FRMD4B: variants seen among roughly 807,000 people sequenced by gnomAD.
FRMD4B encodes the protein FERM domain containing 4B.
Under a neutral mutation model 141.5 loss-of-function variants are expected in FRMD4B, and 74 were observed. The observed-to-expected ratio is 0.52, with a 90% CI of 0.43 to 0.63. The LOEUF is 0.63. Ranked by LOEUF, FRMD4B falls within the 30% of genes least tolerant of loss-of-function variation. The pLI, the probability that FRMD4B is intolerant of heterozygous loss-of-function variation, is 0.00. For synonymous variants in FRMD4B, 506 were observed against 467.9 expected, an observed-to-expected ratio of 1.08 and a Z score of -1.05; for missense variants, 1,366 against 1,253.4, an observed-to-expected ratio of 1.09 and a Z score of -1.36.
Position 69,181,690 on chromosome 3 carries a change from T to G in FRMD4B, c.2060A>C (p.His687Pro), listed in dbSNP as rs993626689. The change falls in exon 21 of 23, where the codon CAC becomes CCC. Residue 687 changes from histidine to proline, a missense_variant. Physicochemically the swap from His to Pro is moderately conservative, Grantham distance 77. Coordinates refer to ENST00000398540, the MANE Select transcript of FRMD4B (RefSeq NM_015123.3). ...CAGGCTTCCACTCCGCTGGCGGCAG[T>G]GCTGAGATGAAGATTCGGGTCTGAA... ...SHLEPESSSQ[H>P]CRQRSGSLES... The G allele has an allele frequency of 2.5e-6, 4 of 1,611,820 alleles. No homozygotes were observed. Among genetic ancestry groups the G allele is most frequent in the Non-Finnish European group, 3.4e-6 (4 of 1,178,764 alleles).
intron 1 of FRMD4B, among the ~76,000 whole-genome samples, chr3:69,345,615 C>A (rs141055089): frequency 6.6e-6 from 1 of 152,128 alleles, no homozygotes; most frequent in African/African-American, 2.4e-5. Flanking sequence ...CTCACACAGC[C>A]GGGTAGTCCT....
In FRMD4B at chr3:69,182,657, T is replaced by C. The variant is rs2092720431; in HGVS notation, c.1980A>G (p.Gly660=). The part of the protein sequence containing the change: ...YKTLERRPQG[G]RSMPTTPVLT... ...GAACTGGCGTGGTGGGCATGCTTCG[T>C]CCTCCCTGGGGCCGCCTCTCCAGAG... The change falls in exon 20 of 23, where the codon GGA becomes GGG. Residue 660 remains glycine (G), a synonymous_variant. Coordinates refer to ENST00000398540, the MANE Select transcript of FRMD4B (RefSeq NM_015123.3). 6.2e-7 allele frequency: 1 copy of C among 1,613,594 alleles called. No homozygotes were observed. The highest frequency in any genetic ancestry group is 1.1e-5 in the South Asian group (1 of 91,068).
intron 2 of FRMD4B, among the ~76,000 whole-genome samples, chr3:69,414,731 C>A (rs1300425339): frequency 6.6e-6 from 1 of 152,326 alleles, no homozygotes; most frequent in Admixed American, 6.5e-5. Flanking sequence ...GCAGGCCCAG[C>A]CTGTGCAGGT....
At position 69,218,385 on chromosome 3, in the gene FRMD4B, GA is replaced by G; in HGVS notation, c.732-7del. ...CTTCTACTATTTTCATATACCTATG[GA>G]AAATAAATATGTATCACAATCTTAT... On this transcript the variant is annotated splice_polypyrimidine_tract_variant and splice_region_variant and intron_variant, in intron 9 of 22. Coordinates refer to ENST00000398540, the MANE Select transcript of FRMD4B (RefSeq NM_015123.3). 1 of 1,316,540 alleles carries G rather than the reference GA, an allele frequency of 7.6e-7. No individual in the cohort carries two copies. The highest frequency in any genetic ancestry group is 1.1e-6 in the Non-Finnish European group (1 of 919,850). 81.6% of individuals were successfully genotyped at this position (1,316,540 alleles called of 1,614,324 possible). A position where few individuals can be genotyped will look rare whatever the true frequency, so the allele number is the denominator to read the frequency against.
At chr3:69,533,395 C>T (rs1701031573) in intron 1 of FRMD4B, among the ~76,000 whole-genome samples, 1 of 152,162 alleles carries the variant, frequency 6.6e-6, no homozygotes. Context: ...GGACAAGTCA[C>T]TTGCCCACTC....
intron 1 of FRMD4B, among the ~76,000 whole-genome samples, chr3:69,519,881 A>C (rs533272691): frequency 6.6e-6 from 1 of 151,694 alleles, no homozygotes; most frequent in East Asian, 1.9e-4. Context: ...GAGTGAGAAC[A>C]TACGATGTTT....
intron 1 of FRMD4B, among the ~76,000 whole-genome samples, chr3:69,487,598 G>C (rs558464882): frequency 1.3e-5 from 2 of 152,292 alleles, no homozygotes; most frequent in African/African-American, 4.8e-5. Context: ...AAATCCACAG[G>C]ACTCATAATC....
At chr3:69,528,202 G>C (rs1164665095) in intron 1 of FRMD4B, among the ~76,000 whole-genome samples, 1 of 152,068 alleles carries the variant, frequency 6.6e-6, no homozygotes, top group African/African-American at 2.4e-5. Flanking sequence ...GGACTCAATG[G>C]CAAGGACTAT....
chr3:69,318,522 G>A (rs1650668781), intron 1 of FRMD4B, among the ~76,000 whole-genome samples: 1 of 152,186 alleles, frequency 6.6e-6, no homozygotes, highest in African/African-American at 2.4e-5. Flanking sequence ...GCAGGCTGGA[G>A]AGGGTAGCAC....
chr3:69,194,418 A>C (rs1245086777), intron 16 of FRMD4B, among the ~76,000 whole-genome samples: 2 of 152,226 alleles, frequency 1.3e-5, no homozygotes, highest in African/African-American at 4.8e-5. Context: ...GTAAATAGTA[A>C]AGATTTCCAA....
At chr3:69,416,884 T>C (rs919406130) in intron 2 of FRMD4B, among the ~76,000 whole-genome samples, 1 of 152,234 alleles carries the variant, frequency 6.6e-6, no homozygotes, top group Non-Finnish European at 1.5e-5. Context: ...CATGAACTCA[T>C]TCTTTTTTAT....
At chr3:69,384,667 T>A (rs1313331025) in intron 1 of FRMD4B, among the ~76,000 whole-genome samples, 1 of 152,218 alleles carries the variant, frequency 6.6e-6, no homozygotes, top group South Asian at 2.1e-4. Context: ...AGATATGTTA[T>A]ACAAAGCAGA....
chr3:69,530,714 A>G (rs191945389), intron 1 of FRMD4B, among the ~76,000 whole-genome samples: 19 of 152,318 alleles, frequency 1.2e-4, no homozygotes, highest in Non-Finnish European at 2.2e-4. Flanking sequence ...TTTCTTGATT[A>G]TGCTGCTTAA....
At chr3:69,475,376 T>G (rs1705969583) in intron 1 of FRMD4B, among the ~76,000 whole-genome samples, 1 of 145,666 alleles carries the variant, frequency 6.9e-6, no homozygotes, top group African/African-American at 2.6e-5. Context: ...CCCACAACAG[T>G]CCCCAGAGTG....
chr3:69,397,953 T>A (rs529916611), intron 2 of FRMD4B, among the ~76,000 whole-genome samples: 4 of 152,316 alleles, frequency 2.6e-5, no homozygotes, highest in African/African-American at 9.6e-5. Flanking sequence ...CTGTATTTGC[T>A]GAATATTCCA....
At chr3:69,193,092 AT>A (rs60431140) in intron 17 of FRMD4B, among the ~76,000 whole-genome samples, 3,765 of 151,806 alleles carry the variant, frequency 0.025, 169 homozygotes, top group African/African-American at 0.084. Flanking sequence ...AAGTGCTGGG[AT>A]TATAGGTGTG....
intron 1 of FRMD4B, among the ~76,000 whole-genome samples, chr3:69,323,423 G>A (rs1489898426): frequency 6.6e-6 from 1 of 151,312 alleles, no homozygotes; most frequent in Non-Finnish European, 1.5e-5. Flanking sequence ...AAAAAAATTA[G>A]CTCGGCATGG....
At chr3:69,413,228 G>A (rs1394440720) in intron 2 of FRMD4B, among the ~76,000 whole-genome samples, 1 of 152,106 alleles carries the variant, frequency 6.6e-6, no homozygotes, top group Admixed American at 6.6e-5. Context: ...TATTGAGCAT[G>A]AATGAGCCAA....
chr3:69,488,834 AGT>A (rs1706260189), intron 1 of FRMD4B, among the ~76,000 whole-genome samples: 1 of 144,886 alleles, frequency 6.9e-6, no homozygotes, highest in Non-Finnish European at 1.5e-5. Context: ...CAGAGGTTGC[AGT>A]GAGCCGAGAT....
Sources: allele counts gnomAD v4.1 joint callset (sites outside exome capture counted in the v4.1 genomes callset), GRCh38; gene constraint gnomAD v4.1.1; transcripts MANE v1.5; gene names NCBI Gene and HGNC (gene_info 2026-07-23, HGNC 2026-07-21).